ARIH2: variants seen among roughly 807,000 people sequenced by gnomAD.
The protein encoded by ARIH2 is E3 ubiquitin-protein ligase ARIH2.
In ARIH2, 12 loss-of-function variants were observed where a neutral mutation model predicts 79.8. That is an observed-to-expected ratio of 0.15 (90% CI 0.10 to 0.24). The LOEUF is 0.24. ARIH2 is among the 10% of genes least tolerant of loss of function. The pLI, the probability that ARIH2 is intolerant of heterozygous loss-of-function variation, is 1.00. For synonymous variants in ARIH2, 224 were observed against 213.9 expected (o/e 1.05, Z -0.41); for missense variants, 301 against 618.3 (o/e 0.49, Z 5.44).
chr3:48,940,149 T>C (rs1246992031), intron 3 of ARIH2, among the ~76,000 whole-genome samples: 1 of 151,872 alleles, frequency 6.6e-6, no homozygotes, highest in Non-Finnish European at 1.5e-5. Flanking sequence ...GAGCTTGCAG[T>C]GAGCCAAGAT....
At chr3:48,967,393 AT>A (rs1332274618) in intron 6 of ARIH2, 118 bp downstream of exon 6, 2 of 1,138,464 alleles carry the variant, frequency 1.8e-6, no homozygotes, top group Admixed American at 5.2e-5. Context: ...GGTTTTTATC[AT>A]CAGAACTAGT....
chr3:48,919,446 A>C, intron 1 of ARIH2: 1 of 276,420 alleles, frequency 3.6e-6, no homozygotes, highest in Non-Finnish European at 6.8e-6. Flanking sequence ...CGGCGCCCCT[A>C]GGGATGTGCG....
At chr3:48,941,862 C>T (rs773436778) in intron 3 of ARIH2, among the ~76,000 whole-genome samples, 2 of 151,318 alleles carry the variant, frequency 1.3e-5, no homozygotes, top group Admixed American at 1.3e-4. Flanking sequence ...AGATTACAGG[C>T]GTGAGCCACC....
At chr3:48,978,417 G>GTGTA (rs57744979) in intron 11 of ARIH2, among the ~76,000 whole-genome samples, 5 of 86,200 alleles carry the variant, frequency 5.8e-5, no homozygotes, top group African/African-American at 2.2e-4. Flanking sequence ...TGGCTAATTT[G>GTGTA]TGTATGTGTG....
Position 48,979,478 on chromosome 3 carries a change from A to G in ARIH2, c.962-4A>G. 6.2e-7 allele frequency: 1 copy of G among 1,613,988 alleles called. No individual in the cohort carries two copies. Among genetic ancestry groups the G allele is most frequent in the Non-Finnish European group, 8.5e-7 (1 of 1,179,894 alleles). On this transcript the variant is annotated splice_region_variant and splice_polypyrimidine_tract_variant and intron_variant, in intron 11 of 15. Transcript: ENST00000356401. ...GTAAATGACTCTTCCTCTGTTCTGC[A>G]CAGACTTCTGCTGGATGTGTCTAGG...
chr3:48,940,997 G>A (rs572059264), intron 3 of ARIH2, among the ~76,000 whole-genome samples: 4 of 150,360 alleles, frequency 2.7e-5, no homozygotes, highest in South Asian at 4.2e-4. Flanking sequence ...GTGAAACCCC[G>A]TCTCTACTGA....
chr3:48,953,490 G>A (rs1407809229), intron 3 of ARIH2, among the ~76,000 whole-genome samples: 2 of 151,886 alleles, frequency 1.3e-5, no homozygotes, highest in Non-Finnish European at 2.9e-5. Context: ...TGCAAGCTCC[G>A]CCTCCCGGGT....
At chr3:48,963,674 T>G (rs771030857) in intron 4 of ARIH2, among the ~76,000 whole-genome samples, 2 of 152,240 alleles carry the variant, frequency 1.3e-5, no homozygotes, top group Non-Finnish European at 2.9e-5. Context: ...AATTCCAGGT[T>G]GTTTTCCAGA....
At chr3:48,932,984 A>G (rs1222170365) in intron 3 of ARIH2, among the ~76,000 whole-genome samples, 1 of 152,174 alleles carries the variant, frequency 6.6e-6, no homozygotes, top group African/African-American at 2.4e-5. Context: ...TCAAAGATGT[A>G]TAGGTAGAAA....
intron 3 of ARIH2, chr3:48,945,275 G>A: frequency 8.7e-7 from 1 of 1,149,000 alleles, no homozygotes; most frequent in Non-Finnish European, 1.2e-6. Context: ...TTGTTAACTT[G>A]TCCTTGAGGG....
chr3:48,940,809 ATAT>A (rs1240104739), intron 3 of ARIH2, among the ~76,000 whole-genome samples: 8 of 47,110 alleles, frequency 1.7e-4, no homozygotes, highest in African/African-American at 3.3e-4. Context: ...AAAAAAAAAA[ATAT>A]ATATATATAT....
At chr3:48,968,013 T>G (rs537145909) in intron 6 of ARIH2, 2 of 154,168 alleles carry the variant, frequency 1.3e-5, no homozygotes, top group Admixed American at 1.3e-4. Flanking sequence ...ATCACTTTTT[T>G]GGGTTTGTTT....
chr3:48,919,257 C>T (rs2084385318), intron 1 of ARIH2: 1 of 1,206,830 alleles, frequency 8.3e-7, no homozygotes, highest in Non-Finnish European at 1.0e-6. Flanking sequence ...CCAACCGGCG[C>T]CGGCACATCT....
chr3:48,927,993 G>A, intron 3 of ARIH2, 180 bp downstream of exon 3: 4 of 728,164 alleles, frequency 5.5e-6, no homozygotes, highest in Non-Finnish European at 8.7e-6. Context: ...ATATATGCAT[G>A]TCTAAGGTCC....
intron 3 of ARIH2, among the ~76,000 whole-genome samples, chr3:48,936,674 A>G (rs2087171267): frequency 6.6e-6 from 1 of 151,834 alleles, no homozygotes; most frequent in South Asian, 2.1e-4. Context: ...CGGAGGTTGC[A>G]GTGAGCCAAG....
At chr3:48,933,316 GGT>G (rs150441338) in intron 3 of ARIH2, among the ~76,000 whole-genome samples, 76 of 140,010 alleles carry the variant, frequency 5.4e-4, no homozygotes, top group Non-Finnish European at 7.8e-4. Flanking sequence ...CATGCCCGGG[GGT>G]GTGTGTGTGT....
intron 3 of ARIH2, among the ~76,000 whole-genome samples, chr3:48,951,475 A>T (rs1174238592): frequency 1.3e-5 from 2 of 152,158 alleles, no homozygotes; most frequent in Non-Finnish European, 2.9e-5. Context: ...AGTTTGGAAG[A>T]AATGTCCCTT....
chr3:48,950,893 T>C lies in ARIH2; in HGVS notation c.256-10719T>C, dbSNP rs531874151. Reference sequence around the variant, plus strand: ...ATATAGAAATACTTTTATGGCTCTTTCTTTGAATTCTAACATTTGGTTTTT... The same window carrying C: ...ATATAGAAATACTTTTATGGCTCTTCCTTTGAATTCTAACATTTGGTTTTT... On this transcript the variant is annotated intron_variant, in intron 3 of 15. Transcript: ENST00000356401. Among the ~76,000 whole-genome samples the C allele has an allele frequency of 2.8e-3, 430 of 152,174 alleles. 4 individuals are homozygous for C. Among genetic ancestry groups the C allele is most frequent in the African/African-American group, 9.8e-3 (408 of 41,542 alleles).
At chr3:48,922,624 A>C (rs911614351) in intron 1 of ARIH2, 124 bp from the exon 2 acceptor site, 1 of 152,168 alleles carries the variant, frequency 6.6e-6, no homozygotes, top group African/African-American at 2.4e-5. Context: ...GAAGATAATT[A>C]ATTTAATAGT....
Sources: gnomAD v4.1 joint callset for allele counts (sites outside exome capture counted in the v4.1 genomes callset) on GRCh38, gnomAD v4.1.1 for gene constraint, MANE v1.5 for transcripts, NCBI Gene and HGNC (gene_info 2026-07-23, HGNC 2026-07-21) for gene names.